The following SZT2 variants were observed in gnomAD, a reference collection of about 807,000 sequenced individuals.
SZT2 encodes KICSTOR complex protein SZT2.
In SZT2, 216 loss-of-function variants were observed where a neutral mutation model predicts 404.2. The ratio of observed to expected loss-of-function variants is 0.53; its 90% CI spans 0.48 to 0.60. The LOEUF (loss-of-function observed/expected upper bound fraction) is 0.60. Among genes scored for constraint, SZT2 ranks in the 20% least tolerant of loss-of-function variants. SZT2 has a pLI of 0.00. For synonymous variants in SZT2, 1,693 were observed against 1,749.9 expected (o/e 0.97, Z 0.81); for missense variants, 3,857 against 4,459.2 (o/e 0.86, Z 3.85).
At chr1:43,422,662 G>GC (rs766867062) in intron 13 of SZT2, 30 bp downstream of exon 13, 61 of 1,236,868 alleles carry the variant, frequency 4.9e-5, no homozygotes, top group Admixed American at 3.8e-4. Context: ...TTCACCCCCC[G>GC]CCCCCCCACC....
Position 43,419,881 on chromosome 1 carries a change from CG to C in SZT2, c.1030del (p.Ala344HisfsTer14). 6.3e-7 allele frequency: 1 copy of C among 1,598,428 alleles called. No homozygotes were observed. Among genetic ancestry groups the C allele is most frequent in the Non-Finnish European group, 8.5e-7 (1 of 1,179,774 alleles). On this transcript the variant is annotated frameshift_variant, in exon 8 of 72. Coordinates refer to ENST00000634258, the MANE Select transcript of SZT2 (RefSeq NM_001365999.1). LOFTEE classifies it high-confidence loss of function. ...PGNLGLTVYH[R>X]AFLLYSFLRS... ...CAACCTGGGTCTGACTGTCTACCAC[CG>C]GGCATTTCTCCTCTATTCCTTCCTG...
chr1:43,446,561 A>C (rs2153936641), intron 65 of SZT2, 145 bp downstream of exon 65: 1 of 960,696 alleles, frequency 1.0e-6, no homozygotes, highest in South Asian at 1.5e-5. Flanking sequence ...TGGCTAGGTC[A>C]GTGCTCATTC....
Position 43,448,338 on chromosome 1 carries a change from C to T in SZT2, c.9823C>T (p.Arg3275Trp), listed in dbSNP as rs1048216362. 2.6e-6 allele frequency: 4 copies of T among 1,552,886 alleles called. No homozygotes were observed. Among genetic ancestry groups the T allele is most frequent in the East Asian group, 4.9e-5 (2 of 40,972 alleles). ...LVRLAGGHCR[R>W]DTLWKRLFLL... ...GCGGCTGGCTGGAGGGCACTGCCGT[C>T]GGGACACCCTTTGGAAGCGCCTCTT... The change falls in exon 69 of 72, where the codon CGG becomes TGG. Residue 3275 changes from arginine (R) to tryptophan (W), a missense_variant. Arg to Trp is a moderately radical substitution (Grantham distance 101). This residue lies in a region of SZT2 where 717 missense variants were observed against 868.2 expected (regional missense o/e 0.83). Coordinates refer to ENST00000634258, the MANE Select transcript of SZT2 (RefSeq NM_001365999.1). This position sits in a 1 kb window ranked among gnomAD's most constrained non-coding sequence, Gnocchi z 4.2.
rs1366701204 is a variant in SZT2, at chr1:43,451,831, C to T, written c.*1351C>T. 9 of 1,614,060 alleles carry T rather than the reference C, an allele frequency of 5.6e-6. No homozygotes were observed. The highest frequency in any genetic ancestry group is 5.5e-5 in the South Asian group (5 of 91,074). On this transcript the variant is annotated 3_prime_UTR_variant, in exon 72 of 72. Transcript: ENST00000634258. The stretch of plus-strand genomic sequence containing the variant: ...ATTGGAGGTTGGGTCTTCCTACCTT[C>T]TGTAAGATGGCTGCCGCTGTAAGAG...
At chr1:43,407,561 T>G (rs1650468782) in intron 4 of SZT2, among the ~76,000 whole-genome samples, 1 of 151,302 alleles carries the variant, frequency 6.6e-6, no homozygotes, top group African/African-American at 2.4e-5. Context: ...AGCACAGCAG[T>G]GCGTGCCTGT....
In SZT2 at chr1:43,420,281, C is replaced by G; in HGVS notation, c.1219C>G (p.Leu407Val). 1.3e-6 allele frequency: 2 copies of G among 1,598,046 alleles called. No homozygotes were observed. The highest frequency in any genetic ancestry group is 8.5e-7 in the Non-Finnish European group (1 of 1,179,656). The change falls in exon 9 of 72, where the codon CTT becomes GTT. Residue 407 changes from leucine (L) to valine (V), a missense_variant. Leu to Val is a conservative substitution (Grantham distance 32). Around this residue, in one of 7 missense-constraint regions of SZT2, gnomAD observed 536 missense variants for 637.4 expected, o/e 0.84. Transcript: ENST00000634258. The surrounding 1 kb of genome is among the most constrained non-coding windows in gnomAD (Gnocchi z 5.1). ...CTTGGTCAGCACTGTGTCCGTACGG[C>G]TTCGAGAGGGCTACAGTGTCCGAGA... is the stretch of plus-strand genomic sequence containing the variant. ...ADLVSTVSVRLREGYSVREVT... is the reference protein window; with the variant it reads ...ADLVSTVSVRVREGYSVREVT...
Position 43,420,107 on chromosome 1 carries a change from T to C in SZT2, c.1091-46T>C. On this transcript the variant is annotated intron_variant, in intron 8 of 71. Transcript: ENST00000634258. The surrounding 1 kb of genome is among the most constrained non-coding windows in gnomAD (Gnocchi z 5.1). The stretch of plus-strand genomic sequence containing the variant: ...CCCTTCCCCCTACAGATCTGTCAGT[T>C]GGCAGATAACCAGTTTCTCCTTCCC... 1 of 1,591,550 alleles carries C rather than the reference T, an allele frequency of 6.3e-7. No individual in the cohort carries two copies. Among genetic ancestry groups the C allele is most frequent in the East Asian group, 2.2e-5 (1 of 44,826 alleles).
Position 43,452,412 on chromosome 1 carries a change from C to T in SZT2, c.*1932C>T. 1.0e-6 allele frequency: 1 copy of T among 994,304 alleles called. No individual in the cohort carries two copies. The highest frequency in any genetic ancestry group is 1.6e-6 in the Non-Finnish European group (1 of 638,160). The allele number at this position is 994,304 out of a possible 1,614,324, so 61.6% of individuals were successfully genotyped here. ...GACTGTGCCAGCCCTCGTCCGTCTC[C>T]CCAGGTCTCCAGTCCATGGCACCTG... On this transcript the variant is annotated 3_prime_UTR_variant, in exon 72 of 72. Coordinates refer to ENST00000634258, the MANE Select transcript of SZT2 (RefSeq NM_001365999.1).
intron 2 of SZT2, 77 bp downstream of exon 2, chr1:43,403,379 C>G: frequency 2.6e-6 from 4 of 1,549,748 alleles, no homozygotes; most frequent in Non-Finnish European, 3.5e-6. Context: ...TAGAAACAGA[C>G]AGGGTGGGAG....
intron 1 of SZT2, among the ~76,000 whole-genome samples, chr1:43,394,907 AAATAT>A (rs1648816100): frequency 6.6e-6 from 1 of 152,112 alleles, no homozygotes; most frequent in Admixed American, 6.5e-5. Flanking sequence ...AAGAAAAAGA[AAATAT>A]AGTTGTTGAC....
Position 43,428,287 on chromosome 1 carries a change from T to C in SZT2, c.3967T>C (p.Leu1323=), listed in dbSNP as rs775792478. The change falls in exon 28 of 72, where the codon TTG becomes CTG. Residue 1323 remains leucine, a synonymous_variant. Transcript: ENST00000634258. ...AGCACAGAGTGTGACCTCCCAGGAT[T>C]TGCTGACAGCGGTAGATGCCTGTGA... ...QQAQSVTSQD[L]LTAVDACEEL... 29 of 1,614,078 alleles carry C rather than the reference T, an allele frequency of 1.8e-5. No individual in the cohort carries two copies. The highest frequency in any genetic ancestry group is 2.5e-5 in the Non-Finnish European group (29 of 1,180,040).
chr1:43,451,625 A>G lies in SZT2; in HGVS notation c.*1145A>G. 6.2e-7 allele frequency: 1 copy of G among 1,613,778 alleles called. No individual in the cohort carries two copies. Among genetic ancestry groups the G allele is most frequent in the South Asian group, 1.1e-5 (1 of 91,062 alleles). Reference sequence around the variant, plus strand: ...CAGATGTGGGGATTGAAAGGGTGGGAGGGCAAAGGAAGGTCCTCTCACCAA... The same window carrying G: ...CAGATGTGGGGATTGAAAGGGTGGGGGGGCAAAGGAAGGTCCTCTCACCAA... On this transcript the variant is annotated 3_prime_UTR_variant, in exon 72 of 72. Transcript: ENST00000634258.
In SZT2 at chr1:43,452,310, C is replaced by A. The variant is rs1410682151; in HGVS notation, c.*1830C>A. 4 of 1,613,666 alleles carry A rather than the reference C, an allele frequency of 2.5e-6. No individual in the cohort carries two copies. The South Asian group carries it at 4.4e-5, about 18-fold the overall frequency. On this transcript the variant is annotated 3_prime_UTR_variant, in exon 72 of 72. Transcript: ENST00000634258. Reference sequence around the variant, plus strand: ...CTCCCTGGGGTACTCGGCCAGCCATCAGGTGGATCCTGTGGGGAAGATGGA... The same window carrying A: ...CTCCCTGGGGTACTCGGCCAGCCATAAGGTGGATCCTGTGGGGAAGATGGA...
rs770870042 is a variant in SZT2 at position 43,421,002 on chromosome 1, C to G, written c.1496+19C>G. 3 of 1,597,200 alleles carry G rather than the reference C, an allele frequency of 1.9e-6. No individual in the cohort carries two copies. ...TGCAGAGGTCAGTGAAGTCATCACTCAATGAGTGCTGCCCCATTTGTTGTA... is the reference window on the plus strand; with the variant it reads ...TGCAGAGGTCAGTGAAGTCATCACTGAATGAGTGCTGCCCCATTTGTTGTA... On this transcript the variant is annotated intron_variant, in intron 10 of 71. Transcript: ENST00000634258.
At chr1:43,444,971 C>T (rs1377815923) in intron 62 of SZT2, among the ~76,000 whole-genome samples, 2 of 152,296 alleles carry the variant, frequency 1.3e-5, no homozygotes, top group African/African-American at 4.8e-5. Context: ...AGGTTTCCCT[C>T]TCTTCCAGGC....
rs1329424172 is a variant in SZT2, at chr1:43,437,023, G to T, written c.6035-148G>T. The T allele has an allele frequency of 8.5e-6, 9 of 1,065,056 alleles. No homozygotes were observed. The Middle Eastern group carries it at 9.2e-4, about 108-fold the overall frequency. The allele number at this position is 1,065,056 out of a possible 1,614,324, so 66.0% of individuals were successfully genotyped here. A position where few individuals can be genotyped will look rare whatever the true frequency, so the allele number is the denominator to read the frequency against. On this transcript the variant is annotated intron_variant, in intron 42 of 71. Coordinates refer to ENST00000634258, the MANE Select transcript of SZT2 (RefSeq NM_001365999.1). The surrounding 1 kb of genome is among the most constrained non-coding windows in gnomAD (Gnocchi z 5.3). ...GGGCATGCATCTGCCTGGCCCTGTC[G>T]TGTTACCCAGAATGATCATCATTTC...
rs759141067 is a variant in SZT2, at chr1:43,437,163, T to C, written c.6035-8T>C. 6.2e-7 allele frequency: 1 copy of C among 1,614,034 alleles called. No individual in the cohort carries two copies. Among genetic ancestry groups the C allele is most frequent in the Non-Finnish European group, 8.5e-7 (1 of 1,179,958 alleles). On this transcript the variant is annotated splice_polypyrimidine_tract_variant and splice_region_variant and intron_variant, in intron 42 of 71. Coordinates refer to ENST00000634258, the MANE Select transcript of SZT2 (RefSeq NM_001365999.1). The surrounding 1 kb of genome is among the most constrained non-coding windows in gnomAD (Gnocchi z 5.3). ...TCCCATTTCTAATCCCTGCTCCCCCTCACCCAGATTATGCTGCTGATGAGA... is the reference window on the plus strand; with the variant it reads ...TCCCATTTCTAATCCCTGCTCCCCCCCACCCAGATTATGCTGCTGATGAGA...
rs1479111098 is a variant in SZT2 at position 43,453,788 on chromosome 1, C to A, written c.*3308C>A. 1.6e-6 allele frequency: 2 copies of A among 1,280,148 alleles called. No individual in the cohort carries two copies. Among genetic ancestry groups the A allele is most frequent in the Non-Finnish European group, 2.0e-6 (2 of 1,016,572 alleles). 79.3% of individuals were successfully genotyped at this position (1,280,148 alleles called of 1,614,324 possible). ...ACAGATTGGCGGAGAAGCGCAGCGG[C>A]GCCATGCCTGGGGAGGCCGGGCCGG... On this transcript the variant is annotated 3_prime_UTR_variant, in exon 72 of 72. Transcript: ENST00000634258.
chr1:43,398,700 G>T (rs1257107569), intron 1 of SZT2, among the ~76,000 whole-genome samples: 1 of 152,180 alleles, frequency 6.6e-6, no homozygotes, highest in Non-Finnish European at 1.5e-5. Context: ...TAGGAGCATG[G>T]CGATAAGAGT....
Sources: gnomAD v4.1 joint callset for allele counts (sites outside exome capture counted in the v4.1 genomes callset) on GRCh38, gnomAD v4.1.1 for gene constraint, gnomAD v4.1.1 regional missense constraint, Gnocchi (gnomAD v3.1) non-coding constraint, MANE v1.5 for transcripts, NCBI Gene and HGNC (gene_info 2026-07-23, HGNC 2026-07-21) for gene names.